PLCB1: variants seen among roughly 807,000 people sequenced by gnomAD.
PLCB1 encodes the protein phospholipase C beta 1.
Under a neutral mutation model 161.8 loss-of-function variants are expected in PLCB1, and 46 were observed. That is an observed-to-expected ratio of 0.28 (90% CI 0.22 to 0.36). The LOEUF (loss-of-function observed/expected upper bound fraction) is 0.36, where lower values mean the gene tolerates loss of function less well. Among genes scored for constraint, PLCB1 ranks in the 10% least tolerant of loss-of-function variants. The pLI is 1.00. For synonymous variants in PLCB1, 517 were observed against 503.7 expected (o/e 1.03, Z -0.35); for missense variants, 1,016 against 1,472.5 (o/e 0.69, Z 5.07).
chr20:8,530,570 A>G lies in PLCB1; in HGVS notation c.247-97724A>G, dbSNP rs181922696. Among the ~76,000 whole-genome samples the G allele has an allele frequency of 1.5e-3, 228 of 152,244 alleles. 1 individual carries two copies. The highest frequency in any genetic ancestry group is 5.3e-3 in the African/African-American group (219 of 41,590). ...AAAGAATATGTTCAGCATGATACCA[A>G]TACTTCAAAATTTGATAAGATTAGC... On this transcript the variant is annotated intron_variant, in intron 3 of 31. Coordinates refer to ENST00000338037, the MANE Select transcript of PLCB1 (RefSeq NM_015192.4).
chr20:8,168,553 TG>T (rs1412080557), intron 2 of PLCB1, among the ~76,000 whole-genome samples: 1 of 152,158 alleles, frequency 6.6e-6, no homozygotes, highest in Non-Finnish European at 1.5e-5. Flanking sequence ...CATCCCAACA[TG>T]GTGCACAGAC....
intron 3 of PLCB1, among the ~76,000 whole-genome samples, chr20:8,428,324 G>T (rs558294382): frequency 2.2e-4 from 34 of 152,056 alleles, no homozygotes; most frequent in African/African-American, 8.0e-4. Context: ...GGGTTCAAGC[G>T]ATTCACCTGC....
chr20:8,523,496 C>CTCTCTCTA, intron 3 of PLCB1, among the ~76,000 whole-genome samples: 42 of 51,636 alleles, frequency 8.1e-4, no homozygotes, highest in South Asian at 2.7e-3. Context: ...CTCTCTCTCT[C>CTCTCTCTA]TATATATATA....
At chr20:8,426,858 TAGAAA>T (rs1178981894) in intron 3 of PLCB1, among the ~76,000 whole-genome samples, 8 of 152,134 alleles carry the variant, frequency 5.3e-5, no homozygotes, top group African/African-American at 1.9e-4. Flanking sequence ...TTTCAGGACA[TAGAAA>T]AGAAATATGA....
At chr20:8,496,438 A>T (rs1420995287) in intron 3 of PLCB1, among the ~76,000 whole-genome samples, 1 of 152,132 alleles carries the variant, frequency 6.6e-6, no homozygotes, top group Non-Finnish European at 1.5e-5. Context: ...TGGGAGATGG[A>T]GGCTGCATTA....
intron 2 of PLCB1, among the ~76,000 whole-genome samples, chr20:8,194,913 T>C (rs1043967632): frequency 1.2e-4 from 19 of 152,018 alleles, no homozygotes; most frequent in African/African-American, 4.6e-4. Context: ...CCAACTTTGC[T>C]CACTGAAAAG....
At chr20:8,782,995 C>T (rs972762366) in intron 27 of PLCB1, among the ~76,000 whole-genome samples, 1 of 152,114 alleles carries the variant, frequency 6.6e-6, no homozygotes, top group African/African-American at 2.4e-5. Context: ...TTTTCTTGCC[C>T]TCAGATGACT....
chr20:8,697,425 C>G (rs550313840), intron 10 of PLCB1, among the ~76,000 whole-genome samples: 11 of 152,270 alleles, frequency 7.2e-5, no homozygotes, highest in East Asian at 5.8e-4. Context: ...AATGCCCTAT[C>G]TTTTCCCAAA....
chr20:8,387,657 A>G (rs1316326638), intron 3 of PLCB1, among the ~76,000 whole-genome samples: 1 of 152,218 alleles, frequency 6.6e-6, no homozygotes, highest in African/African-American at 2.4e-5. Flanking sequence ...CAAACCTTCA[A>G]TTTGTAAAAA....
chr20:8,220,054 GTGGTGGA>G (rs1568594966), intron 2 of PLCB1, among the ~76,000 whole-genome samples: 1 of 152,112 alleles, frequency 6.6e-6, no homozygotes, highest in Non-Finnish European at 1.5e-5. Flanking sequence ...TATTTGTGGG[GTGGTGGA>G]TTTGGGAATG....
At chr20:8,470,042 G>A (rs936584897) in intron 3 of PLCB1, among the ~76,000 whole-genome samples, 12 of 152,086 alleles carry the variant, frequency 7.9e-5, no homozygotes, top group African/African-American at 2.9e-4. Context: ...GTGGTCTTTT[G>A]TGACCAGCTT....
chr20:8,727,491 TG>T, intron 17 of PLCB1, 98 bp downstream of exon 17: 1 of 715,040 alleles, frequency 1.4e-6, no homozygotes, highest in East Asian at 2.6e-5. Flanking sequence ...ATGCATAAAA[TG>T]GCTTAAGTAT....
intron 2 of PLCB1, among the ~76,000 whole-genome samples, chr20:8,295,866 C>T (rs759265532): frequency 2.6e-5 from 4 of 152,150 alleles, no homozygotes; most frequent in Non-Finnish European, 4.4e-5. Flanking sequence ...CACACCACCA[C>T]GCCTGGCTGA....
At chr20:8,818,250 C>A (rs1985169827) in intron 31 of PLCB1, among the ~76,000 whole-genome samples, 1 of 152,000 alleles carries the variant, frequency 6.6e-6, no homozygotes. Context: ...ATTTAAGTTC[C>A]AGAAACACAA....
At chr20:8,301,550 C>T (rs1024581641) in intron 2 of PLCB1, among the ~76,000 whole-genome samples, 1 of 152,148 alleles carries the variant, frequency 6.6e-6, no homozygotes, top group Non-Finnish European at 1.5e-5. Context: ...CCATGACCCG[C>T]CATTCCACGT....
chr20:8,639,516 C>G (rs1365094806), intron 4 of PLCB1, among the ~76,000 whole-genome samples: 2 of 152,170 alleles, frequency 1.3e-5, no homozygotes, highest in African/African-American at 4.8e-5. Context: ...TTTACATTCC[C>G]TACAGTAAAA....
At chr20:8,503,890 C>G (rs1487861163) in intron 3 of PLCB1, among the ~76,000 whole-genome samples, 1 of 152,036 alleles carries the variant, frequency 6.6e-6, no homozygotes, top group African/African-American at 2.4e-5. Flanking sequence ...ATTCACTCGC[C>G]TAATATCTAA....
intron 2 of PLCB1, among the ~76,000 whole-genome samples, chr20:8,155,108 G>T (rs185885802): frequency 1.3e-5 from 2 of 152,200 alleles, no homozygotes; most frequent in Admixed American, 6.5e-5. Flanking sequence ...TGGTTTGGAT[G>T]GCCCAAAGAT....
At chr20:8,375,044 A>G (rs1419447303) in intron 3 of PLCB1, among the ~76,000 whole-genome samples, 1 of 152,202 alleles carries the variant, frequency 6.6e-6, no homozygotes, top group Non-Finnish European at 1.5e-5. Flanking sequence ...TCAACCCCCA[A>G]CACAATACAT....
Sources: gnomAD v4.1 joint callset for allele counts (sites outside exome capture counted in the v4.1 genomes callset) on GRCh38, gnomAD v4.1.1 for gene constraint, MANE v1.5 for transcripts, NCBI Gene and HGNC (gene_info 2026-07-23, HGNC 2026-07-21) for gene names.